SREK1: variants seen among roughly 807,000 people sequenced by gnomAD.
SREK1 encodes splicing regulatory glutamic acid and lysine rich protein 1.
SREK1 carries 13 observed loss-of-function variants against 66.5 expected under a neutral mutation model. That is an observed-to-expected ratio of 0.20 (90% CI 0.13 to 0.31). The LOEUF (loss-of-function observed/expected upper bound fraction) is 0.31, where lower values mean the gene tolerates loss of function less well. Among genes scored for constraint, SREK1 ranks in the 10% least tolerant of loss-of-function variants. The pLI is 1.00. For synonymous variants in SREK1, 265 were observed against 263.5 expected (o/e 1.01, Z -0.05); for missense variants, 607 against 769.6 (o/e 0.79, Z 2.50).
At chr5:66,173,632 A>G (rs942769406) in intron 9 of SREK1, among the ~76,000 whole-genome samples, 14 of 152,204 alleles carry the variant, frequency 9.2e-5, no homozygotes, top group Non-Finnish European at 1.8e-4. Flanking sequence ...TCCTCTCATT[A>G]TCGTCAGCTA....
chr5:66,170,988 T>C (rs1419438532), intron 9 of SREK1, 41 bp downstream of exon 9: 16 of 1,557,412 alleles, frequency 1.0e-5, no homozygotes, highest in African/African-American at 2.8e-5. Context: ...GATTTGCTGA[T>C]GACAATTGGA....
chr5:66,154,184 A>G (rs929756080), intron 2 of SREK1, among the ~76,000 whole-genome samples: 3 of 152,188 alleles, frequency 2.0e-5, no homozygotes, highest in African/African-American at 7.2e-5. Context: ...AAGGAAAGCA[A>G]TTTTCCAAAG....
chr5:66,148,757 T>G (rs1413641438), intron 1 of SREK1, among the ~76,000 whole-genome samples: 1 of 152,182 alleles, frequency 6.6e-6, no homozygotes, highest in African/African-American at 2.4e-5. Context: ...CCACTGTGCC[T>G]GGCCTGCTAG....
chr5:66,145,242 A>T (rs951980201), intron 1 of SREK1: 2 of 870,002 alleles, frequency 2.3e-6, no homozygotes, highest in African/African-American at 3.7e-5. Context: ...CTTGGCTGGC[A>T]TTCACAGCTC....
At position 66,175,030 on chromosome 5, in the gene SREK1, G is replaced by A. The variant is rs765924661; in HGVS notation, c.1569G>A (p.Pro523=). The A allele has an allele frequency of 1.6e-5, 26 of 1,611,038 alleles. No individual in the cohort carries two copies. The highest frequency in any genetic ancestry group is 4.0e-5 in the African/African-American group (3 of 74,862). ...KTIKRKSSRS[P]SPRSRNKKDK... ...TAAAAAGGAAATCTTCTAGATCTCC[G>A]TCCCCCAGGAGGTAGGTTGGGAGCT... Residue 523 remains proline (P), a synonymous_variant, in exon 10 of 12, where the codon CCG becomes CCA. Transcript: ENST00000334121.
chr5:66,157,389 G>C (rs947900123), intron 2 of SREK1: 1 of 983,112 alleles, frequency 1.0e-6, no homozygotes, highest in South Asian at 4.7e-5. Context: ...TTAAATTTGG[G>C]ACATTACTAG....
chr5:66,161,019 T>C (rs1394868587), intron 3 of SREK1, among the ~76,000 whole-genome samples: 1 of 152,188 alleles, frequency 6.6e-6, no homozygotes, highest in African/African-American at 2.4e-5. Flanking sequence ...TTCAAAGTTT[T>C]TTTGAAGGTT....
intron 1 of SREK1, among the ~76,000 whole-genome samples, chr5:66,146,751 A>G (rs1485010854): frequency 6.6e-6 from 1 of 152,210 alleles, no homozygotes. Flanking sequence ...CAATAGTAGT[A>G]GTTGTATTGA....
rs151078726 is a variant in SREK1 at position 66,170,698 on chromosome 5, G to A, written c.1235G>A (p.Gly412Asp). ...EKEREKEKER[G>D]KNKDRDKERE... is the part of the protein sequence containing the mutation. ...GAACGTGAAAAAGAAAAGGAACGGG[G>A]TAAAAACAAAGACCGGGACAAGGAA... The change falls in exon 9 of 12, where the codon GGT becomes GAT. Residue 412 changes from glycine to aspartate, a missense_variant. By Grantham distance (94) the Gly-to-Asp change is moderately conservative (BLOSUM62 -1). This residue lies in a region of SREK1 where 318 missense variants were observed against 310.3 expected (regional missense o/e 1.02). Transcript: ENST00000334121. 2.0e-4 allele frequency: 324 copies of A among 1,608,970 alleles called. 1 individual carries two copies. Among genetic ancestry groups the A allele is most frequent in the Non-Finnish European group, 2.5e-4 (293 of 1,177,532 alleles).
Position 66,181,886 on chromosome 5 carries a change from A to G in SREK1, c.*3018A>G, listed in dbSNP as rs550932724. ...AAATAAACACTGGCGTTTATAATGA[A>G]AAGGTTTTTTTGTCGGGGGGGGGGG... On this transcript the variant is annotated 3_prime_UTR_variant, in exon 12 of 12. Transcript: ENST00000334121. The G allele has an allele frequency of 8.5e-6, 1 of 117,114 alleles. No homozygotes were observed. Among genetic ancestry groups the G allele is most frequent in the South Asian group, 3.5e-4 (1 of 2,836 alleles). The allele number at this position is 117,114 out of a possible 1,614,324, so 7.3% of individuals were successfully genotyped here. A position where few individuals can be genotyped will look rare whatever the true frequency, so the allele number is the denominator to read the frequency against.
intron 7 of SREK1, chr5:66,165,392 A>G (rs1745089127): frequency 6.5e-6 from 1 of 153,740 alleles, no homozygotes; most frequent in African/African-American, 2.4e-5. Flanking sequence ...AGTCCTTGGT[A>G]TTGCTGGTGA....
At chr5:66,158,740 G>T in intron 2 of SREK1, 2 of 1,196,724 alleles carry the variant, frequency 1.7e-6, no homozygotes, top group Admixed American at 3.2e-5. Context: ...TTGGTTATTT[G>T]CCATTTCTGG....
intron 1 of SREK1, 57 bp downstream of exon 1, chr5:66,144,594 C>T: frequency 1.3e-6 from 2 of 1,508,036 alleles, no homozygotes; most frequent in African/African-American, 1.4e-5. Flanking sequence ...ACCTCGGGAG[C>T]CGAGGCGTGG....
intron 3 of SREK1, among the ~76,000 whole-genome samples, chr5:66,160,137 AAG>A (rs949884788): frequency 9.2e-5 from 14 of 152,172 alleles, no homozygotes; most frequent in African/African-American, 4.8e-5. Context: ...AAAAAAAAAA[AAG>A]GGTATATTAC....
Position 66,183,057 on chromosome 5 carries a change from G to A in SREK1, c.*4189G>A, listed in dbSNP as rs1746623981. 1 of 152,068 alleles carries A rather than the reference G, an allele frequency of 6.6e-6. No individual in the cohort carries two copies. Among genetic ancestry groups the A allele is most frequent in the South Asian group, 2.1e-4 (1 of 4,828 alleles). 9.4% of individuals were successfully genotyped at this position (152,068 alleles called of 1,614,324 possible). On this transcript the variant is annotated 3_prime_UTR_variant, in exon 12 of 12. Transcript: ENST00000334121. ...ATATAATGTTTATAAAAGGTTTTAAGTCTGTTGCCTGATTTTTAAATTTAT... is the reference window on the plus strand; with the variant it reads ...ATATAATGTTTATAAAAGGTTTTAAATCTGTTGCCTGATTTTTAAATTTAT...
At position 66,183,208 on chromosome 5, in the gene SREK1, TTTG is replaced by T. The variant is rs1746636328; in HGVS notation, c.*4341_*4343del. 6.6e-6 allele frequency: 1 copy of T among 152,192 alleles called. No homozygotes were observed. Among genetic ancestry groups the T allele is most frequent in the African/African-American group, 2.4e-5 (1 of 41,450 alleles). The allele number at this position is 152,192 out of a possible 1,614,324, so 9.4% of individuals were successfully genotyped here. A position where few individuals can be genotyped will look rare whatever the true frequency, so the allele number is the denominator to read the frequency against. On this transcript the variant is annotated 3_prime_UTR_variant, in exon 12 of 12. Transcript: ENST00000334121. ...ACCTTCTATTCTTGGTTTATTTTTA[TTTG>T]CTAGACATAATTTCTTAACTACATA...
At position 66,178,831 on chromosome 5, in the gene SREK1, A is replaced by G. The variant is rs1251474764; in HGVS notation, c.1838A>G (p.Asn613Ser). 3 of 1,612,566 alleles carry G rather than the reference A, an allele frequency of 1.9e-6. No homozygotes were observed. In the South Asian group the frequency reaches 3.3e-5, roughly 18 times the overall value. ...CAGCACAATGGGAATTGTCAGCTGA[A>G]TGAAGAAAACCTCTCTACCAAAACA... ...KIQHNGNCQLNEENLSTKTEA... is the reference protein window; with the variant it reads ...KIQHNGNCQLSEENLSTKTEA... Residue 613 changes from asparagine to serine, a missense_variant, in exon 12 of 12, where the codon AAT becomes AGT. Transcript: ENST00000334121.
chr5:66,159,430 C>CTTT, intron 3 of SREK1, 96 bp downstream of exon 3: 15 of 625,888 alleles, frequency 2.4e-5, no homozygotes, highest in South Asian at 9.7e-5. Context: ...GGATCTTCTT[C>CTTT]TTTTTTTTTT....
At chr5:66,175,112 CTCTT>C (rs1446170771) in intron 10 of SREK1, 71 bp downstream of exon 10, 5 of 1,253,930 alleles carry the variant, frequency 4.0e-6, no homozygotes, top group African/African-American at 1.5e-5. Context: ...TTAAATTTCT[CTCTT>C]TATTTTTTAA....
Sources: allele counts gnomAD v4.1 joint callset (sites outside exome capture counted in the v4.1 genomes callset), GRCh38; gene constraint gnomAD v4.1.1; regional missense constraint gnomAD v4.1.1; transcripts MANE v1.5; gene names NCBI Gene and HGNC (gene_info 2026-07-23, HGNC 2026-07-21).